The following EYS variants were observed in gnomAD, a reference collection of about 807,000 sequenced individuals.
The protein encoded by EYS is protein eyes shut homolog.
Under a neutral mutation model 282.1 loss-of-function variants are expected in EYS, and 250 were observed. That is an observed-to-expected ratio of 0.89 (90% confidence interval 0.80 to 0.98). EYS has a LOEUF of 0.98. Among genes scored for constraint, EYS ranks in the 50% least tolerant of loss-of-function variants. The pLI, the probability that EYS is intolerant of heterozygous loss-of-function variation, is 0.00. For synonymous variants in EYS, 1,355 were observed against 1,282.9 expected, an observed-to-expected ratio of 1.06 and a Z score of -1.20; for missense variants, 4,016 against 3,709.0, an observed-to-expected ratio of 1.08 and a Z score of -2.15.
At chr6:64,897,368 G>C (rs1767507775) in intron 18 of EYS, among the ~76,000 whole-genome samples, 1 of 152,146 alleles carries the variant, frequency 6.6e-6, no homozygotes, top group South Asian at 2.1e-4. Context: ...GGGCCTGACT[G>C]TTAGAAGGAT....
Position 64,821,035 on chromosome 6 carries a change from C to T in EYS, c.3243+610G>A, listed in dbSNP as rs192405842. 2.1e-3 allele frequency among the ~76,000 whole-genome samples: 317 copies of T among 152,072 alleles called. 2 individuals are homozygous for T. The highest frequency in any genetic ancestry group is 7.0e-3 in the African/African-American group (292 of 41,506). ...TGATTTGGAAGAACTCCCCAGTATT[C>T]CAAAAGGCTCACAAGATTCTCATCC... On this transcript the variant is annotated intron_variant, in intron 21 of 42. Transcript: ENST00000503581.
intron 22 of EYS, among the ~76,000 whole-genome samples, chr6:64,675,481 G>T (rs1421206936): frequency 7.3e-6 from 1 of 136,630 alleles, no homozygotes; most frequent in African/African-American, 2.8e-5. Flanking sequence ...TTGCTGGAGT[G>T]CAGTGGTGCA....
intron 29 of EYS, among the ~76,000 whole-genome samples, chr6:64,311,882 C>G (rs946102432): frequency 6.6e-6 from 1 of 152,046 alleles, no homozygotes; most frequent in Non-Finnish European, 1.5e-5. Context: ...ACCGGCAGAC[C>G]AGGAGACTCC....
intron 36 of EYS, among the ~76,000 whole-genome samples, chr6:63,849,781 C>A (rs1350135252): frequency 6.6e-6 from 1 of 152,150 alleles, no homozygotes; most frequent in East Asian, 1.9e-4. Context: ...TCCAAAGGAT[C>A]AAGACACCTT....
At chr6:64,426,405 A>C (rs933682404) in intron 28 of EYS, among the ~76,000 whole-genome samples, 4 of 152,212 alleles carry the variant, frequency 2.6e-5, no homozygotes, top group Non-Finnish European at 5.9e-5. Context: ...GATAGGACTG[A>C]ATAGTAAAGA....
At chr6:65,443,863 A>T (rs933721066) in intron 5 of EYS, among the ~76,000 whole-genome samples, 3 of 151,908 alleles carry the variant, frequency 2.0e-5, no homozygotes, top group Non-Finnish European at 4.4e-5. Context: ...AGTCTAAATT[A>T]AATGAAAAAA....
At position 64,626,223 on chromosome 6, in the gene EYS, G is replaced by T; in HGVS notation, c.3466C>A (p.Gln1156Lys). The change falls in exon 23 of 43, where the codon CAA becomes AAA. Residue 1156 changes from glutamine (Q) to lysine (K), a missense_variant. Coordinates refer to ENST00000503581, the MANE Select transcript of EYS (RefSeq NM_001142800.2). The stretch of plus-strand genomic sequence containing the variant: ...TCATTTATATTAATTTCACAAAATT[G>T]ACCAGAAAATCCAGGAAGACATCTA... ...DCRCLPGFSG[Q>K]FCEININECS... The T allele has an allele frequency of 6.5e-7, 1 of 1,530,912 alleles. No individual in the cohort carries two copies. The highest frequency in any genetic ancestry group is 1.3e-5 in the South Asian group (1 of 78,344). 94.8% of individuals were successfully genotyped at this position (1,530,912 alleles called of 1,614,324 possible).
At position 65,270,511 on chromosome 6, in the gene EYS, G is replaced by A. The variant is rs545244417; in HGVS notation, c.2023+25352C>T. On this transcript the variant is annotated intron_variant, in intron 12 of 42. Transcript: ENST00000503581. The stretch of plus-strand genomic sequence containing the variant: ...CACAAAATACATCCTAACTGTTCTC[G>A]CTTAACACACTTTCTCATTTTTTTT... Among the ~76,000 whole-genome samples, 9 of 152,160 alleles carry A rather than the reference G, an allele frequency of 5.9e-5. No individual in the cohort carries two copies. In the East Asian group the frequency reaches 7.7e-4, roughly 13 times the overall value.
At chr6:65,403,581 C>A (rs1487514014) in intron 6 of EYS, among the ~76,000 whole-genome samples, 2 of 151,926 alleles carry the variant, frequency 1.3e-5, no homozygotes, top group African/African-American at 2.4e-5. Context: ...AGGTATATAG[C>A]TTGCCCAACC....
At chr6:65,515,625 G>T (rs911743014) in intron 2 of EYS, among the ~76,000 whole-genome samples, 1 of 151,772 alleles carries the variant, frequency 6.6e-6, no homozygotes, top group Admixed American at 6.6e-5. Context: ...AAAATGATGC[G>T]TTCATGTCCT....
At chr6:63,947,818 G>A (rs931394943) in intron 35 of EYS, among the ~76,000 whole-genome samples, 13 of 152,140 alleles carry the variant, frequency 8.5e-5, no homozygotes, top group African/African-American at 1.9e-4. Flanking sequence ...TTTCATGATT[G>A]ATTAAATGGT....
At chr6:64,586,490 C>T (rs1172003736) in intron 26 of EYS, among the ~76,000 whole-genome samples, 1 of 151,904 alleles carries the variant, frequency 6.6e-6, no homozygotes, top group African/African-American at 2.4e-5. Flanking sequence ...AGCATTAAGA[C>T]ACTGAATATT....
intron 19 of EYS, among the ~76,000 whole-genome samples, chr6:64,851,410 G>A (rs565077017): frequency 1.3e-5 from 2 of 152,162 alleles, no homozygotes; most frequent in South Asian, 4.1e-4. Flanking sequence ...ATTCACATAT[G>A]GAGAGAAATT....
In EYS at chr6:64,783,977, T is replaced by C. The variant is rs150234723; in HGVS notation, c.3443+29401A>G. ...TTAATCAAAATATTACTTTTAAATG[T>C]TATCTGGAGGGGAGAATATGGTATG... On this transcript the variant is annotated intron_variant, in intron 22 of 42. Transcript: ENST00000503581. Among the ~76,000 whole-genome samples the C allele has an allele frequency of 2.1e-3, 327 of 152,202 alleles. 1 individual carries two copies. The highest frequency in any genetic ancestry group is 7.5e-3 in the African/African-American group (312 of 41,546).
At chr6:64,654,866 T>A (rs1388413760) in intron 22 of EYS, among the ~76,000 whole-genome samples, 2 of 152,206 alleles carry the variant, frequency 1.3e-5, no homozygotes, top group East Asian at 3.8e-4. Context: ...TCACCAAAGC[T>A]GAGGTATAGC....
intron 12 of EYS, among the ~76,000 whole-genome samples, chr6:65,243,372 C>T (rs944239754): frequency 2.4e-4 from 37 of 152,084 alleles, no homozygotes; most frequent in Non-Finnish European, 4.4e-4. Flanking sequence ...TTACTGGTGG[C>T]CTGCCCCTCT....
At chr6:64,814,161 T>C (rs115204678) in intron 21 of EYS, among the ~76,000 whole-genome samples, 2 of 152,214 alleles carry the variant, frequency 1.3e-5, no homozygotes, top group Admixed American at 6.6e-5. Flanking sequence ...TCCAAATGTA[T>C]GTCCAGCATT....
At chr6:65,617,384 ACTATT>A (rs1242853028) in intron 2 of EYS, among the ~76,000 whole-genome samples, 7 of 152,120 alleles carry the variant, frequency 4.6e-5, no homozygotes, top group African/African-American at 1.7e-4. Flanking sequence ...GACTTCAAAA[ACTATT>A]CTATCATTCT....
intron 14 of EYS, among the ~76,000 whole-genome samples, chr6:64,989,889 A>G (rs1005495079): frequency 4.7e-5 from 7 of 150,414 alleles, no homozygotes; most frequent in African/African-American, 1.7e-4. Flanking sequence ...GTTTCAGCTC[A>G]AGAGCTTGAT....
Sources: allele counts gnomAD v4.1 joint callset (sites outside exome capture counted in the v4.1 genomes callset), GRCh38; gene constraint gnomAD v4.1.1; transcripts MANE v1.5; gene names NCBI Gene and HGNC (gene_info 2026-07-23, HGNC 2026-07-21).